Variants in MGMT observed in about 807,000 individuals in gnomAD.
MGMT encodes the protein methylated-DNA--protein-cysteine methyltransferase.
In MGMT, 14 loss-of-function variants were observed where a neutral mutation model predicts 15.9. That is an observed-to-expected ratio of 0.88 (90% CI 0.58 to 1.37). MGMT has a LOEUF of 1.37. MGMT is among the 40% of genes most tolerant of loss of function. The pLI, the probability that MGMT is intolerant of heterozygous loss-of-function variation, is 0.00. For synonymous variants in MGMT, 130 were observed against 118.2 expected (o/e 1.10, Z -0.65); for missense variants, 282 against 268.1 (o/e 1.05, Z -0.36).
At chr10:129,580,677 G>A (rs547831959) in intron 2 of MGMT, among the ~76,000 whole-genome samples, 4 of 152,258 alleles carry the variant, frequency 2.6e-5, no homozygotes, top group African/African-American at 9.6e-5. Context: ...CAGACATCCT[G>A]TACCTAGGGA....
At chr10:129,503,119 A>T (rs10466113) in intron 1 of MGMT, among the ~76,000 whole-genome samples, 116,143 of 150,420 alleles carry the variant, frequency 0.77, 45,134 homozygotes, top group East Asian at 0.96. Context: ...TTTTTTTTTT[A>T]TTATTATCCT....
chr10:129,696,901 G>C (rs1474165571), intron 2 of MGMT, among the ~76,000 whole-genome samples: 1 of 152,232 alleles, frequency 6.6e-6, no homozygotes, highest in African/African-American at 2.4e-5. Context: ...AATCACTCCA[G>C]GCCTTGCTTT....
chr10:129,665,635 A>G (rs7082319), intron 2 of MGMT, among the ~76,000 whole-genome samples: 58,501 of 151,912 alleles, frequency 0.39, 11,988 homozygotes, highest in South Asian at 0.46. Flanking sequence ...GGTTTCCTAT[A>G]AAGGACCACA....
At chr10:129,575,935 A>G (rs1846476974) in intron 2 of MGMT, among the ~76,000 whole-genome samples, 1 of 152,214 alleles carries the variant, frequency 6.6e-6, no homozygotes, top group Non-Finnish European at 1.5e-5. Context: ...GAAAATCTAG[A>G]AGAAATGGAT....
chr10:129,716,619 C>A (rs868206236), intron 3 of MGMT, among the ~76,000 whole-genome samples: 1 of 152,210 alleles, frequency 6.6e-6, no homozygotes, highest in Admixed American at 6.5e-5. Context: ...AGAAAATTCG[C>A]GTCTCTTCCT....
At chr10:129,605,881 G>A (rs1046522082) in intron 2 of MGMT, among the ~76,000 whole-genome samples, 5 of 150,338 alleles carry the variant, frequency 3.3e-5, no homozygotes, top group Non-Finnish European at 4.4e-5. Flanking sequence ...ATTCAAGAAC[G>A]GTGATTTTTT....
chr10:129,545,045 G>T (rs949161064), intron 2 of MGMT, among the ~76,000 whole-genome samples: 1 of 152,172 alleles, frequency 6.6e-6, no homozygotes, highest in African/African-American at 2.4e-5. Context: ...GTGTCCTTCC[G>T]TCACTGCACT....
intron 3 of MGMT, among the ~76,000 whole-genome samples, chr10:129,716,458 T>C (rs1268426570): frequency 2.0e-5 from 3 of 152,218 alleles, no homozygotes; most frequent in Non-Finnish European, 4.4e-5. Context: ...TGCACATTCC[T>C]TTCTGGATTG....
intron 4 of MGMT, among the ~76,000 whole-genome samples, chr10:129,765,352 G>T (rs964710259): frequency 7.2e-5 from 11 of 152,140 alleles, no homozygotes; most frequent in Admixed American, 7.2e-4. Flanking sequence ...GGAAGCTTAA[G>T]CAAATGGCCC....
intron 2 of MGMT, among the ~76,000 whole-genome samples, chr10:129,656,674 C>T (rs570973416): frequency 3.3e-5 from 5 of 152,202 alleles, no homozygotes; most frequent in South Asian, 2.1e-4. Flanking sequence ...AGGGACAACT[C>T]GAAGCAGGGA....
intron 2 of MGMT, among the ~76,000 whole-genome samples, chr10:129,542,101 C>T (rs902318633): frequency 3.3e-5 from 5 of 152,170 alleles, no homozygotes; most frequent in South Asian, 4.1e-4. Flanking sequence ...TTTCTGCCCT[C>T]GAAACGTGCC....
intron 2 of MGMT, among the ~76,000 whole-genome samples, chr10:129,555,137 C>T (rs1846198764): frequency 6.6e-6 from 1 of 152,208 alleles, no homozygotes; most frequent in African/African-American, 2.4e-5. Context: ...GTCGCCCCTG[C>T]GTGCTCAGCA....
chr10:129,593,345 G>T (rs901164285), intron 2 of MGMT, among the ~76,000 whole-genome samples: 2 of 152,186 alleles, frequency 1.3e-5, no homozygotes, highest in African/African-American at 4.8e-5. Flanking sequence ...AGCAGTTTGG[G>T]ATGCCCCTGT....
At chr10:129,490,316 T>C (rs371747635) in intron 1 of MGMT, among the ~76,000 whole-genome samples, 38 of 152,322 alleles carry the variant, frequency 2.5e-4, no homozygotes, top group African/African-American at 8.9e-4. Context: ...TATCTGTTAG[T>C]GTGGATCATG....
chr10:129,710,290 C>T (rs572239569), intron 3 of MGMT, among the ~76,000 whole-genome samples: 1 of 152,330 alleles, frequency 6.6e-6, no homozygotes, highest in South Asian at 2.1e-4. Context: ...CTAGCTGGGA[C>T]GAGGTCCACT....
At chr10:129,650,914 C>T (rs1030721643) in intron 2 of MGMT, among the ~76,000 whole-genome samples, 3 of 152,174 alleles carry the variant, frequency 2.0e-5, no homozygotes, top group Non-Finnish European at 4.4e-5. Flanking sequence ...CCATGGCTCC[C>T]GCATTGTGGC....
chr10:129,728,092 G>T (rs891522569), intron 3 of MGMT, among the ~76,000 whole-genome samples: 2 of 152,164 alleles, frequency 1.3e-5, no homozygotes, highest in Non-Finnish European at 2.9e-5. Flanking sequence ...ACTTGAACAG[G>T]ACTCATTGGA....
At chr10:129,560,565 C>T (rs567559796) in intron 2 of MGMT, among the ~76,000 whole-genome samples, 4 of 152,326 alleles carry the variant, frequency 2.6e-5, no homozygotes, top group South Asian at 2.1e-4. Flanking sequence ...GACTCTCCTT[C>T]GTTCTTTTGC....
intron 2 of MGMT, among the ~76,000 whole-genome samples, chr10:129,614,557 C>T (rs940319539): frequency 2.6e-5 from 4 of 152,228 alleles, no homozygotes; most frequent in Admixed American, 6.5e-5. Flanking sequence ...GCTTTCGCTT[C>T]TTTGGCAGCC....
Sources: gnomAD v4.1 joint callset for allele counts (sites outside exome capture counted in the v4.1 genomes callset) on GRCh38, gnomAD v4.1.1 for gene constraint, MANE v1.5 for transcripts, NCBI Gene and HGNC (gene_info 2026-07-23, HGNC 2026-07-21) for gene names.